The following ACVR2A variants were observed in gnomAD, a reference collection of about 807,000 sequenced individuals.
The protein encoded by ACVR2A is activin A receptor type 2A, also known as activin receptor type-2A.
In ACVR2A, 7 loss-of-function variants were observed where a neutral mutation model predicts 61.4. That is an observed-to-expected ratio of 0.11 (90% CI 0.06 to 0.21). The LOEUF is 0.21. ACVR2A is among the 10% of genes least tolerant of loss of function. ACVR2A has a pLI of 1.00. For synonymous variants in ACVR2A, 193 were observed against 208.3 expected (o/e 0.93, Z 0.63); for missense variants, 322 against 621.7 (o/e 0.52, Z 5.13).
chr2:147,873,756 G>A (rs1686086070), intron 1 of ACVR2A, among the ~76,000 whole-genome samples: 1 of 151,888 alleles, frequency 6.6e-6, no homozygotes. Flanking sequence ...AATAGGAAAC[G>A]GCAGAACTTG....
At position 147,915,207 on chromosome 2, in the gene ACVR2A, C is replaced by G; in HGVS notation, c.545C>G (p.Pro182Arg). The part of the protein sequence containing the change: ...LVPTQDPGPP[P>R]PSPLLGLKPL... ...TATCTGTAGGACCCAGGACCACCCC[C>G]ACCTTCTCCATTACTAGGTTTGAAA... The change falls in exon 5 of 11, where the codon CCA becomes CGA. Residue 182 changes from proline (P) to arginine (R), a missense_variant. By Grantham distance (103) the Pro-to-Arg change is moderately radical. This residue lies in a region of ACVR2A where 146 missense variants were observed against 383.8 expected (regional missense o/e 0.38). Transcript: ENST00000241416. 1 of 1,611,986 alleles carries G rather than the reference C, an allele frequency of 6.2e-7. No individual in the cohort carries two copies. Among genetic ancestry groups the G allele is most frequent in the South Asian group, 1.1e-5 (1 of 91,034 alleles).
chr2:147,910,102 A>C (rs968666600), intron 4 of ACVR2A, among the ~76,000 whole-genome samples: 1 of 151,884 alleles, frequency 6.6e-6, no homozygotes, highest in Non-Finnish European at 1.5e-5. Flanking sequence ...ACTTAAGTGA[A>C]TGTATTTTTT....
At chr2:147,870,920 T>A (rs1485340700) in intron 1 of ACVR2A, among the ~76,000 whole-genome samples, 2 of 152,144 alleles carry the variant, frequency 1.3e-5, no homozygotes, top group African/African-American at 4.8e-5. Flanking sequence ...TAATCTTTTT[T>A]ATTCCTTTTA....
intron 4 of ACVR2A, among the ~76,000 whole-genome samples, chr2:147,907,876 T>G (rs1355460302): frequency 6.6e-6 from 1 of 151,508 alleles, no homozygotes; most frequent in Admixed American, 6.6e-5. Flanking sequence ...CCATCTCTAC[T>G]AAAAATACAA....
At chr2:147,890,832 T>C (rs184572527) in intron 1 of ACVR2A, among the ~76,000 whole-genome samples, 23 of 152,282 alleles carry the variant, frequency 1.5e-4, no homozygotes, top group African/African-American at 5.1e-4. Context: ...TGTTACTATA[T>C]TGAGTTTTTT....
At chr2:147,852,415 C>A (rs1458429911) in intron 1 of ACVR2A, among the ~76,000 whole-genome samples, 1 of 152,012 alleles carries the variant, frequency 6.6e-6, no homozygotes, top group Non-Finnish European at 1.5e-5. Flanking sequence ...AAACCAGTGA[C>A]CTAGTTCAAC....
At chr2:147,885,313 T>G (rs1013488783) in intron 1 of ACVR2A, among the ~76,000 whole-genome samples, 2 of 152,174 alleles carry the variant, frequency 1.3e-5, no homozygotes, top group African/African-American at 2.4e-5. Context: ...TGAATAGAAG[T>G]ATAGTATTTG....
chr2:147,916,754 T>C (rs2105215263), intron 5 of ACVR2A, among the ~76,000 whole-genome samples: 1 of 152,116 alleles, frequency 6.6e-6, no homozygotes, highest in East Asian at 1.9e-4. Flanking sequence ...AGTGAATATA[T>C]GGTGTCTTAA....
intron 1 of ACVR2A, among the ~76,000 whole-genome samples, chr2:147,869,081 G>A (rs1375338191): frequency 2.0e-5 from 3 of 152,026 alleles, no homozygotes; most frequent in African/African-American, 7.2e-5. Context: ...AGTCCTTGAC[G>A]AGTTCTAGAT....
chr2:147,870,248 G>A (rs1685978275), intron 1 of ACVR2A, among the ~76,000 whole-genome samples: 1 of 152,070 alleles, frequency 6.6e-6, no homozygotes, highest in Non-Finnish European at 1.5e-5. Flanking sequence ...ATTGTGATTA[G>A]CATAACATTA....
At chr2:147,904,620 A>G (rs1180009969) in intron 4 of ACVR2A, among the ~76,000 whole-genome samples, 1 of 152,026 alleles carries the variant, frequency 6.6e-6, no homozygotes, top group Non-Finnish European at 1.5e-5. Context: ...TAAATTAGGC[A>G]TACAAAATAA....
intron 1 of ACVR2A, among the ~76,000 whole-genome samples, chr2:147,887,416 G>T (rs1229866717): frequency 1.3e-5 from 2 of 152,042 alleles, no homozygotes; most frequent in African/African-American, 4.8e-5. Context: ...TAGATATTAG[G>T]GATTCAGTCA....
At position 147,925,806 on chromosome 2, in the gene ACVR2A, A is replaced by G. The variant is rs1353705292; in HGVS notation, c.1217-225A>G. 2.7e-5 allele frequency: 12 copies of G among 441,942 alleles called. No individual in the cohort carries two copies. The East Asian group carries it at 3.6e-4, about 13-fold the overall frequency. 27.4% of individuals were successfully genotyped at this position (441,942 alleles called of 1,614,324 possible). A position where few individuals can be genotyped will look rare whatever the true frequency, so the allele number is the denominator to read the frequency against. On this transcript the variant is annotated intron_variant, in intron 9 of 10. Coordinates refer to ENST00000241416, the MANE Select transcript of ACVR2A (RefSeq NM_001616.5). The stretch of plus-strand genomic sequence containing the variant: ...CCTAGATAAGAAAGCCCCTTATGCA[A>G]TCTTTAAGGGAATTACATGCCAAAT...
At chr2:147,857,947 CATT>C (rs1288554408) in intron 1 of ACVR2A, among the ~76,000 whole-genome samples, 3 of 152,068 alleles carry the variant, frequency 2.0e-5, no homozygotes, top group African/African-American at 7.2e-5. Flanking sequence ...GCCTAGTACT[CATT>C]AGTTATTTTT....
rs6722513 is a variant in ACVR2A at position 147,891,606 on chromosome 2, T to G, written c.56-4695T>G. ...AAAAAAAGAATAATATTTTGTGAGT[T>G]GTAAAAACTACATGAAATCCAATTT... On this transcript the variant is annotated intron_variant, in intron 1 of 10. Transcript: ENST00000241416. Among the ~76,000 whole-genome samples the G allele has an allele frequency of 6.5e-3, 991 of 152,274 alleles. 9 individuals are homozygous for G. Among genetic ancestry groups the G allele is most frequent in the African/African-American group, 0.023 (955 of 41,552 alleles).
intron 1 of ACVR2A, among the ~76,000 whole-genome samples, chr2:147,845,620 TTTAA>T (rs1685292583): frequency 6.6e-6 from 1 of 152,184 alleles, no homozygotes. Context: ...TTTGTCATCG[TTTAA>T]TTAGTGCTTC....
chr2:147,854,733 C>A (rs1395916544), intron 1 of ACVR2A, among the ~76,000 whole-genome samples: 1 of 152,080 alleles, frequency 6.6e-6, no homozygotes, highest in African/African-American at 2.4e-5. Context: ...TATGATTATG[C>A]CTTTCTGAAG....
At chr2:147,911,280 G>A (rs1215465027) in intron 4 of ACVR2A, among the ~76,000 whole-genome samples, 1 of 151,900 alleles carries the variant, frequency 6.6e-6, no homozygotes, top group African/African-American at 2.4e-5. Flanking sequence ...AGTTAACTTG[G>A]GATTAAACTG....
intron 1 of ACVR2A, among the ~76,000 whole-genome samples, chr2:147,892,059 C>T (rs1173604915): frequency 6.6e-6 from 1 of 151,842 alleles, no homozygotes; most frequent in Non-Finnish European, 1.5e-5. Flanking sequence ...GCAACCTCCA[C>T]CTCCTGGGTT....
Sources: allele counts gnomAD v4.1 joint callset (sites outside exome capture counted in the v4.1 genomes callset), GRCh38; gene constraint gnomAD v4.1.1; regional missense constraint gnomAD v4.1.1; transcripts MANE v1.5; gene names NCBI Gene and HGNC (gene_info 2026-07-23, HGNC 2026-07-21).